The following RPS6KC1 variants were observed in gnomAD, a reference collection of about 807,000 sequenced individuals.
The protein encoded by RPS6KC1 is inactive ribosomal protein S6 kinase delta-1.
RPS6KC1 carries 54 observed loss-of-function variants against 103.8 expected under a neutral mutation model. That is an observed-to-expected ratio of 0.52 (90% CI 0.42 to 0.65). RPS6KC1 has a LOEUF of 0.65. Ranked by LOEUF, RPS6KC1 falls within the 30% of genes least tolerant of loss-of-function variation. The probability of loss-of-function intolerance (pLI) is 0.00; values close to 1 mark genes in which losing one functional copy is unlikely to be tolerated. For synonymous variants in RPS6KC1, 439 were observed against 438.7 expected (o/e 1.00, Z -0.01); for missense variants, 1,151 against 1,253.8 (o/e 0.92, Z 1.24).
chr1:213,779,298 C>A, the RPS6KC1 span, among the ~76,000 whole-genome samples: 1 of 152,130 alleles, frequency 6.6e-6, no homozygotes, highest in African/African-American at 2.4e-5. Flanking sequence ...GATGGAAAGA[C>A]CCAAAGGGCC....
chr1:213,844,201 A>G, the RPS6KC1 span, among the ~76,000 whole-genome samples: 1 of 152,330 alleles, frequency 6.6e-6, no homozygotes, highest in Admixed American at 6.5e-5. Context: ...AACTCTAGCT[A>G]GGGTTTTTTT....
At chr1:213,466,392 C>G in the RPS6KC1 span, among the ~76,000 whole-genome samples, 1 of 152,076 alleles carries the variant, frequency 6.6e-6, no homozygotes, top group Non-Finnish European at 1.5e-5. Flanking sequence ...CAAACATGCT[C>G]GAATGAATAA....
the RPS6KC1 span, among the ~76,000 whole-genome samples, chr1:213,439,370 C>G: frequency 1.3e-5 from 2 of 150,418 alleles, no homozygotes; most frequent in Non-Finnish European, 3.0e-5. Flanking sequence ...GCAAGCAACT[C>G]ATCCATAGTT....
the RPS6KC1 span, among the ~76,000 whole-genome samples, chr1:213,717,509 T>C: frequency 6.6e-6 from 1 of 152,308 alleles, no homozygotes; most frequent in East Asian, 1.9e-4. Flanking sequence ...GTTGAGTTTA[T>C]ATGAGAGGGA....
the RPS6KC1 span, among the ~76,000 whole-genome samples, chr1:213,548,992 A>T: frequency 6.6e-6 from 1 of 152,194 alleles, no homozygotes. Flanking sequence ...GAACTGTGAG[A>T]TCCCCTTAGC....
chr1:213,674,141 C>T, the RPS6KC1 span, among the ~76,000 whole-genome samples: 1 of 152,198 alleles, frequency 6.6e-6, no homozygotes, highest in South Asian at 2.1e-4. Flanking sequence ...ACCTCAGTCT[C>T]CCGAGTAGCT....
At chr1:213,860,623 G>C in the RPS6KC1 span, among the ~76,000 whole-genome samples, 1 of 152,018 alleles carries the variant, frequency 6.6e-6, no homozygotes, top group Non-Finnish European at 1.5e-5. Context: ...GCAAAGGAGA[G>C]AGTGTTCTAG....
chr1:213,259,753 T>TG (rs1220724308), intron 12 of RPS6KC1, among the ~76,000 whole-genome samples: 1 of 148,858 alleles, frequency 6.7e-6, no homozygotes, highest in Non-Finnish European at 1.5e-5. Flanking sequence ...TTTTTTTTTT[T>TG]TTGAGTTGGA....
At chr1:213,604,916 C>T in the RPS6KC1 span, among the ~76,000 whole-genome samples, 1 of 152,132 alleles carries the variant, frequency 6.6e-6, no homozygotes, top group African/African-American at 2.4e-5. Context: ...GGGTGGCTTG[C>T]ATTGGGGAAC....
the RPS6KC1 span, among the ~76,000 whole-genome samples, chr1:213,400,455 A>G: frequency 3.3e-5 from 5 of 152,082 alleles, no homozygotes; most frequent in African/African-American, 1.2e-4. Flanking sequence ...GCAATGTACA[A>G]TTTTTGGTCT....
intron 6 of RPS6KC1, among the ~76,000 whole-genome samples, chr1:213,139,995 G>A (rs572641687): frequency 1.3e-5 from 2 of 152,044 alleles, no homozygotes; most frequent in South Asian, 2.1e-4. Context: ...TTTTCTATTT[G>A]TTTGTGTCAT....
At chr1:213,055,335 T>G (rs1032894821) in intron 1 of RPS6KC1, among the ~76,000 whole-genome samples, 1 of 152,174 alleles carries the variant, frequency 6.6e-6, no homozygotes, top group Non-Finnish European at 1.5e-5. Context: ...TTTTTTTTTT[T>G]GGTCTGGCTT....
At chr1:213,777,269 T>A in the RPS6KC1 span, among the ~76,000 whole-genome samples, 2 of 152,206 alleles carry the variant, frequency 1.3e-5, no homozygotes, top group African/African-American at 4.8e-5. Context: ...CCACTAAGCT[T>A]AATCATTTCT....
At chr1:213,442,490 A>C in the RPS6KC1 span, among the ~76,000 whole-genome samples, 1 of 152,210 alleles carries the variant, frequency 6.6e-6, no homozygotes, top group Non-Finnish European at 1.5e-5. Flanking sequence ...TGGGATCCCA[A>C]ACCTGCCACT....
At chr1:213,674,413 C>T in the RPS6KC1 span, among the ~76,000 whole-genome samples, 17 of 152,278 alleles carry the variant, frequency 1.1e-4, 1 homozygote, top group African/African-American at 3.6e-4. Context: ...TATTAGTGTG[C>T]TTAGGATAAT....
the RPS6KC1 span, among the ~76,000 whole-genome samples, chr1:213,281,729 G>A: frequency 6.6e-6 from 1 of 152,176 alleles, no homozygotes; most frequent in African/African-American, 2.4e-5. Context: ...GGCTATCATG[G>A]TTTGAGGGAA....
chr1:213,811,795 T>G, the RPS6KC1 span, among the ~76,000 whole-genome samples: 1 of 152,356 alleles, frequency 6.6e-6, no homozygotes, highest in Middle Eastern at 3.4e-3. Context: ...TAAGTTTTTG[T>G]GTTTTAGACT....
intron 14 of RPS6KC1, among the ~76,000 whole-genome samples, chr1:213,265,493 A>G (rs1008831846): frequency 6.6e-6 from 1 of 152,208 alleles, no homozygotes; most frequent in African/African-American, 2.4e-5. Flanking sequence ...TCTTAAAAAT[A>G]TTTGAAATGT....
At position 213,113,877 on chromosome 1, in the gene RPS6KC1, C is replaced by T. The variant is rs376228426; in HGVS notation, c.379-3440C>T. ...CAAAGATCAGATAGTTGTAGATATGCGGCGTTATTTCTGAGGGCTCTGTTC... is the reference window on the plus strand; with the variant it reads ...CAAAGATCAGATAGTTGTAGATATGTGGCGTTATTTCTGAGGGCTCTGTTC... On this transcript the variant is annotated intron_variant, in intron 4 of 14. Coordinates refer to ENST00000366960, the MANE Select transcript of RPS6KC1 (RefSeq NM_012424.6). Among the ~76,000 whole-genome samples, 155 of 152,010 alleles carry T rather than the reference C, an allele frequency of 1.0e-3. No homozygotes were observed. In the Middle Eastern group the frequency reaches 0.017, roughly 17 times the overall value.
Sources: gnomAD v4.1 joint callset for allele counts (sites outside exome capture counted in the v4.1 genomes callset) on GRCh38, gnomAD v4.1.1 for gene constraint, MANE v1.5 for transcripts, NCBI Gene and HGNC (gene_info 2026-07-23, HGNC 2026-07-21) for gene names.